Variants in BICRAL observed in about 807,000 individuals in gnomAD.
BICRAL encodes the protein BRD4-interacting chromatin-remodeling complex-associated protein-like.
In BICRAL, 8 loss-of-function variants were observed where a neutral mutation model predicts 91.8. The ratio of observed to expected loss-of-function variants is 0.09; its 90% CI spans 0.05 to 0.16. The LOEUF is 0.16. Ranked by LOEUF, BICRAL falls within the 10% of genes least tolerant of loss-of-function variation. BICRAL has a pLI of 1.00. For synonymous variants in BICRAL, 445 were observed against 491.1 expected (o/e 0.91, Z 1.24); for missense variants, 1,038 against 1,310.9 (o/e 0.79, Z 3.21).
intron 6 of BICRAL, among the ~76,000 whole-genome samples, chr6:42,842,300 C>A (rs1198423409): frequency 6.6e-6 from 1 of 152,202 alleles, no homozygotes; most frequent in African/African-American, 2.4e-5. Context: ...GCAACCCTAA[C>A]GCCTCCGAAT....
intron 6 of BICRAL, among the ~76,000 whole-genome samples, chr6:42,845,020 A>G (rs1223932575): frequency 3.3e-5 from 5 of 151,758 alleles, no homozygotes; most frequent in Non-Finnish European, 7.4e-5. Flanking sequence ...ACTAAAGGGA[A>G]AAAAAGGATT....
intron 5 of BICRAL, among the ~76,000 whole-genome samples, chr6:42,826,406 T>C (rs976309167): frequency 8.6e-5 from 13 of 151,838 alleles, no homozygotes; most frequent in African/African-American, 3.1e-4. Flanking sequence ...GGCTAATTTT[T>C]GTATTTTTAG....
At chr6:42,841,519 C>T (rs879784995) in intron 6 of BICRAL, among the ~76,000 whole-genome samples, 1 of 152,048 alleles carries the variant, frequency 6.6e-6, no homozygotes, top group Non-Finnish European at 1.5e-5. Flanking sequence ...AGTTTCTAGT[C>T]CCGCTCTGCC....
chr6:42,754,761 G>A (rs1041354054), intron 1 of BICRAL, among the ~76,000 whole-genome samples: 1 of 152,144 alleles, frequency 6.6e-6, no homozygotes, highest in Non-Finnish European at 1.5e-5. Context: ...TCTGGGCATG[G>A]TGGCATGCAC....
chr6:42,830,491 G>A (rs1037779293), intron 6 of BICRAL, among the ~76,000 whole-genome samples: 50 of 152,252 alleles, frequency 3.3e-4, no homozygotes, highest in African/African-American at 1.2e-3. Flanking sequence ...GCTTGAGCAT[G>A]GGAGGTTGAG....
At position 42,864,959 on chromosome 6, in the gene BICRAL, C is replaced by T. The variant is rs753900781; in HGVS notation, c.2753C>T (p.Ser918Phe). The T allele has an allele frequency of 1.9e-6, 3 of 1,614,158 alleles. No homozygotes were observed. Among genetic ancestry groups the T allele is most frequent in the Non-Finnish European group, 2.5e-6 (3 of 1,180,034 alleles). Residue 918 changes from serine to phenylalanine, a missense_variant, in exon 13 of 13, where the codon TCT becomes TTT. Physicochemically the swap from Ser to Phe is radical, Grantham distance 155. Coordinates refer to ENST00000314073, the MANE Select transcript of BICRAL (RefSeq NM_001393499.1). ...KVGLVQYQST[S>F]EEKASRREPL... ...GGCTTAGTGCAGTACCAGAGCACGT[C>T]TGAAGAGAAGGCCAGCCGGAGAGAG... is the stretch of plus-strand genomic sequence containing the variant.
At position 42,770,409 on chromosome 6, in the gene BICRAL, A is replaced by AT. The variant is rs1339391074; in HGVS notation, c.-260-11428dup. On this transcript the variant is annotated intron_variant, in intron 1 of 14. Coordinates refer to the BICRAL transcript ENST00000614467. ...ATGCCCGGCTAATTTTATTATTATT[A>AT]TTATTTTTTTTTTTTTTTTTTTGAG... Among the ~76,000 whole-genome samples, 30 of 119,636 alleles carry AT rather than the reference A, an allele frequency of 2.5e-4. No homozygotes were observed. In the East Asian group the frequency reaches 3.8e-3, roughly 15 times the overall value. 78.5% of individuals were successfully genotyped at this position (119,636 alleles called of 152,430 possible).
In BICRAL at chr6:42,747,327, C is replaced by T. The variant is rs540558162; in HGVS notation, c.-261+304C>T. 4.6e-5 allele frequency among the ~76,000 whole-genome samples: 7 copies of T among 152,322 alleles called. No homozygotes were observed. In the South Asian group the frequency reaches 1.4e-3, roughly 32 times the overall value. Reference sequence around the variant, plus strand: ...CCGAACCTCTTTAACCCTGCCCGCCCTTCCAACCCTAGGTTTCCTCCTTAT... The same window carrying T: ...CCGAACCTCTTTAACCCTGCCCGCCTTTCCAACCCTAGGTTTCCTCCTTAT... On this transcript the variant is annotated intron_variant, in intron 1 of 14. Coordinates refer to the BICRAL transcript ENST00000614467.
intron 1 of BICRAL, among the ~76,000 whole-genome samples, chr6:42,785,287 C>T (rs1763070233): frequency 6.6e-6 from 1 of 152,028 alleles, no homozygotes. Flanking sequence ...AGGCCTGGCA[C>T]GGTGGCTCAT....
rs1355110346 is a variant in BICRAL, at chr6:42,867,842, G to GTAA, written c.*2397_*2398insAAT. Reference sequence around the variant, plus strand: ...TAAATTTTTGTGTCATTGTATGTAAGTTTACTTTTTATGGAGGAAGGATTC... The same window carrying GTAA: ...TAAATTTTTGTGTCATTGTATGTAAGTAATTTACTTTTTATGGAGGAAGGATTC... On this transcript the variant is annotated 3_prime_UTR_variant, in exon 13 of 13. Coordinates refer to ENST00000314073, the MANE Select transcript of BICRAL (RefSeq NM_001393499.1). 1 of 152,242 alleles carries GTAA rather than the reference G, an allele frequency of 6.6e-6. No individual in the cohort carries two copies. The highest frequency in any genetic ancestry group is 1.9e-4 in the East Asian group (1 of 5,192). 9.4% of individuals were successfully genotyped at this position (152,242 alleles called of 1,614,324 possible). A position where few individuals can be genotyped will look rare whatever the true frequency, so the allele number is the denominator to read the frequency against.
At chr6:42,784,533 GGAACTGTGCCT>G (rs1763045661) in intron 1 of BICRAL, among the ~76,000 whole-genome samples, 1 of 152,220 alleles carries the variant, frequency 6.6e-6, no homozygotes, top group Non-Finnish European at 1.5e-5. Flanking sequence ...CTGTATGCCA[GGAACTGTGCCT>G]GATGCTTTGT....
intron 6 of BICRAL, among the ~76,000 whole-genome samples, chr6:42,841,072 CT>C (rs1764780620): frequency 1.3e-5 from 1 of 75,494 alleles, no homozygotes; most frequent in East Asian, 4.1e-4. Context: ...AAGACTCAAT[CT>C]TTAAAAAAAA....
chr6:42,780,718 C>A (rs1027417719), upstream of BICRAL, among the ~76,000 whole-genome samples: 2 of 150,326 alleles, frequency 1.3e-5, no homozygotes, highest in African/African-American at 4.9e-5. Context: ...CCACTCCAGG[C>A]CACGTAATGT....
At chr6:42,825,771 T>A (rs556291187) in intron 5 of BICRAL, among the ~76,000 whole-genome samples, 1 of 151,372 alleles carries the variant, frequency 6.6e-6, no homozygotes, top group Non-Finnish European at 1.5e-5. Context: ...ATCTTCACAA[T>A]GATTCCATGA....
intron 1 of BICRAL, among the ~76,000 whole-genome samples, chr6:42,790,573 C>T (rs147599194): frequency 3.3e-5 from 5 of 150,704 alleles, no homozygotes; most frequent in African/African-American, 9.8e-5. Context: ...AGTCTGCTGT[C>T]ATTCCCTTTT....
Position 42,797,044 on chromosome 6 carries a change from C to CAAAA in BICRAL, c.-101-13244_-101-13241dup, listed in dbSNP as rs1192829085. Among the ~76,000 whole-genome samples the CAAAA allele has an allele frequency of 1.6e-4, 7 of 44,266 alleles. 2 individuals carry two copies. The highest frequency in any genetic ancestry group is 4.4e-4 in the African/African-American group (5 of 11,244). 29.0% of individuals were successfully genotyped at this position (44,266 alleles called of 152,430 possible). A position where few individuals can be genotyped will look rare whatever the true frequency, so the allele number is the denominator to read the frequency against. Reference sequence around the variant, plus strand: ...GGGCAACAAGAGCGAAACTCTGTCTCAAAAAAAAAAAAAAAAAAAAAGCTG... The same window carrying CAAAA: ...GGGCAACAAGAGCGAAACTCTGTCTCAAAAAAAAAAAAAAAAAAAAAAAAAGCTG... On this transcript the variant is annotated intron_variant, in intron 1 of 12. Transcript: ENST00000314073.
Position 42,829,547 on chromosome 6 carries a change from C to G in BICRAL, c.1214C>G (p.Thr405Arg). The stretch of plus-strand genomic sequence containing the variant: ...CCCCAAAGTCAGTTCCTTATACCTA[C>G]AAGCCTTTCTGTCAGTTCCAACTCG... ...HAPQSQFLIP[T>R]SLSVSSNSVH... Residue 405 changes from threonine to arginine, a missense_variant, in exon 6 of 13, where the codon ACA becomes AGA. Thr to Arg is a moderately conservative substitution (Grantham distance 71). Coordinates refer to ENST00000314073, the MANE Select transcript of BICRAL (RefSeq NM_001393499.1). The G allele has an allele frequency of 6.2e-7, 1 of 1,614,216 alleles. No homozygotes were observed. The highest frequency in any genetic ancestry group is 8.5e-7 in the Non-Finnish European group (1 of 1,180,026).
intron 1 of BICRAL, among the ~76,000 whole-genome samples, chr6:42,772,530 C>T (rs1372359029): frequency 6.6e-6 from 1 of 152,120 alleles, no homozygotes; most frequent in Admixed American, 6.5e-5. Flanking sequence ...CGAGATGTGC[C>T]TGGGGAGGCA....
At chr6:42,856,062 C>A (rs1246838254) in intron 9 of BICRAL, 145 bp downstream of exon 9, 10 of 722,404 alleles carry the variant, frequency 1.4e-5, no homozygotes, top group Non-Finnish European at 4.9e-6. Flanking sequence ...CATGGTGACT[C>A]ACTCCTGTAA....
Sources: gnomAD v4.1 joint callset for allele counts (sites outside exome capture counted in the v4.1 genomes callset) on GRCh38, gnomAD v4.1.1 for gene constraint, MANE v1.5 for transcripts, NCBI Gene and HGNC (gene_info 2026-07-23, HGNC 2026-07-21) for gene names.